TTC21B: variants seen among roughly 807,000 people sequenced by gnomAD.
TTC21B encodes tetratricopeptide repeat protein 21B.
A neutral mutation model predicts 175.1 loss-of-function variants in TTC21B; 127 were observed. That is an observed-to-expected ratio of 0.73 (90% CI 0.63 to 0.84). The LOEUF (loss-of-function observed/expected upper bound fraction) is 0.84, where lower values mean the gene tolerates loss of function less well. Among genes scored for constraint, TTC21B ranks in the 40% least tolerant of loss-of-function variants. The probability of loss-of-function intolerance (pLI) is 0.00; values close to 1 mark genes in which losing one functional copy is unlikely to be tolerated. For missense variants in TTC21B, 1,561 were observed against 1,558.3 expected, an observed-to-expected ratio of 1.00 and a Z score of -0.03; for synonymous variants, 524 against 524.5, an observed-to-expected ratio of 1.00 and a Z score of 0.01.
At chr2:165,875,492 A>G (rs902838702) in intron 28 of TTC21B, among the ~76,000 whole-genome samples, 6 of 152,174 alleles carry the variant, frequency 3.9e-5, no homozygotes, top group South Asian at 2.1e-4. Context: ...ACAATGTTTA[A>G]TAGAATGTCT....
intron 6 of TTC21B, among the ~76,000 whole-genome samples, chr2:165,935,109 T>C (rs1461073757): frequency 2.0e-5 from 3 of 152,224 alleles, no homozygotes; most frequent in Non-Finnish European, 4.4e-5. Context: ...TCTTAGGAGA[T>C]GGCAGGACTG....
Position 165,930,221 on chromosome 2 carries a change from C to A in TTC21B, c.1038G>T (p.Trp346Cys). The A allele has an allele frequency of 6.2e-7, 1 of 1,613,320 alleles. No homozygotes were observed. The highest frequency in any genetic ancestry group is 8.5e-7 in the Non-Finnish European group (1 of 1,179,500). The change falls in exon 9 of 29, where the codon TGG becomes TGT. Residue 346 changes from tryptophan (W) to cysteine (C), a missense_variant. Transcript: ENST00000243344. The part of the protein sequence containing the change: ...LQGRVKEALK[W>C]YKTAMTLDET... ...CATCAAGTGTCATGGCGGTCTTATACCACTTCAGTGCCTCTTTAACTCTTC... is the reference window on the plus strand; with the variant it reads ...CATCAAGTGTCATGGCGGTCTTATAACACTTCAGTGCCTCTTTAACTCTTC...
Position 165,929,656 on chromosome 2 carries a change from T to C in TTC21B, c.1179A>G (p.Lys393=), listed in dbSNP as rs2105343710. ...ATAAAATAAAATACTGTACCGCAGATTTTCCAATGGATTGCTGGATTTCAT... is the reference window on the plus strand; with the variant it reads ...ATAAAATAAAATACTGTACCGCAGACTTTCCAATGGATTGCTGGATTTCAT... ...FLNEIQQSIG[K]SAELIYLHAV... is the part of the protein sequence containing the mutation. The change falls in exon 10 of 29, where the codon AAA becomes AAG. Residue 393 remains lysine (K), a synonymous_variant. Coordinates refer to ENST00000243344, the MANE Select transcript of TTC21B (RefSeq NM_024753.5). 1.2e-6 allele frequency: 2 copies of C among 1,610,326 alleles called. No homozygotes were observed. The highest frequency in any genetic ancestry group is 8.5e-7 in the Non-Finnish European group (1 of 1,177,026).
chr2:165,892,738 G>C (rs1258814582), intron 22 of TTC21B, among the ~76,000 whole-genome samples: 1 of 152,148 alleles, frequency 6.6e-6, no homozygotes, highest in Non-Finnish European at 1.5e-5. Flanking sequence ...CGAGGAACTG[G>C]TGTACAGACT....
At chr2:165,877,626 T>C (rs1470008179) in intron 27 of TTC21B, among the ~76,000 whole-genome samples, 1 of 152,124 alleles carries the variant, frequency 6.6e-6, no homozygotes, top group Non-Finnish European at 1.5e-5. Flanking sequence ...AATGATGAAA[T>C]TGTCTAATGA....
intron 19 of TTC21B, among the ~76,000 whole-genome samples, chr2:165,905,978 CA>C (rs1461865056): frequency 6.6e-6 from 1 of 152,030 alleles, no homozygotes; most frequent in Non-Finnish European, 1.5e-5. Context: ...TTGAATCATT[CA>C]AAGTATGTCT....
At chr2:165,929,114 G>C in intron 11 of TTC21B, 21 bp downstream of exon 11, 1 of 1,606,794 alleles carries the variant, frequency 6.2e-7, no homozygotes, top group East Asian at 2.2e-5. Context: ...ATCCTTGAAA[G>C]TAAGTCCCAT....
At chr2:165,890,123 T>A (rs1040423643) in intron 24 of TTC21B, among the ~76,000 whole-genome samples, 4 of 152,176 alleles carry the variant, frequency 2.6e-5, no homozygotes, top group African/African-American at 9.7e-5. Flanking sequence ...GTCTGGAAAA[T>A]AACTACCATT....
Position 165,889,204 on chromosome 2 carries a change from T to G in TTC21B, c.3264-730A>C, listed in dbSNP as rs564567410. Among the ~76,000 whole-genome samples, 4 of 152,328 alleles carry G rather than the reference T, an allele frequency of 2.6e-5. No homozygotes were observed. In the South Asian group the frequency reaches 6.2e-4, roughly 24 times the overall value. On this transcript the variant is annotated intron_variant, in intron 24 of 28. Transcript: ENST00000243344. ...CCAATCACTAAAGCCACTGGTCTTC[T>G]TCTCAGGCCTTAGGCTTATCTTGCC...
intron 20 of TTC21B, 140 bp from the exon 21 acceptor site, chr2:165,900,020 A>AC (rs1173717125): frequency 9.0e-6 from 6 of 669,004 alleles, no homozygotes; most frequent in African/African-American, 5.5e-5. Context: ...AAAAAAAAAA[A>AC]AAAACAACAG....
At chr2:165,926,026 GT>G (rs1248898368) in intron 11 of TTC21B, among the ~76,000 whole-genome samples, 1 of 152,086 alleles carries the variant, frequency 6.6e-6, no homozygotes, top group Non-Finnish European at 1.5e-5. Flanking sequence ...TTAAGATATC[GT>G]TTGTTCAATT....
At position 165,919,439 on chromosome 2, in the gene TTC21B, A is replaced by G; in HGVS notation, c.1517-6T>C. 1.2e-6 allele frequency: 2 copies of G among 1,613,606 alleles called. No individual in the cohort carries two copies. The highest frequency in any genetic ancestry group is 1.7e-6 in the Non-Finnish European group (2 of 1,179,552). ...GAAAGCTGCTTCAATATCACCTAAT[A>G]AGAAAAACAATGCATTGTTATAATT... On this transcript the variant is annotated splice_region_variant and splice_polypyrimidine_tract_variant and intron_variant, in intron 12 of 28. Transcript: ENST00000243344.
At chr2:165,928,858 G>A in intron 11 of TTC21B, 1 of 395,654 alleles carries the variant, frequency 2.5e-6, no homozygotes, top group East Asian at 5.8e-5. Context: ...GCAAATATAA[G>A]GTAGGTGTCT....
intron 1 of TTC21B, among the ~76,000 whole-genome samples, chr2:165,950,131 A>C (rs1687717545): frequency 6.6e-6 from 1 of 152,056 alleles, no homozygotes; most frequent in Admixed American, 6.6e-5. Flanking sequence ...CTTTAAAAAA[A>C]AAAATCTTCT....
chr2:165,931,732 C>G, intron 8 of TTC21B, 26 bp downstream of exon 8: 1 of 1,575,742 alleles, frequency 6.3e-7, no homozygotes, highest in Non-Finnish European at 8.7e-7. Flanking sequence ...GATAACAGAG[C>G]TCTGGTACAT....
At chr2:165,914,698 T>TGTACGTGCGCGCGCGCGCGTGTGTGTGTG (rs71031214) in intron 15 of TTC21B, among the ~76,000 whole-genome samples, 3 of 132,376 alleles carry the variant, frequency 2.3e-5, no homozygotes, top group South Asian at 2.3e-4. Context: ...TGTGTGTGTG[T>TGTACGTGCGCGCGCGCGCGTGTGTGTGTG]TGTGTATCCC....
At chr2:165,944,881 T>A (rs1044896532) in intron 4 of TTC21B, among the ~76,000 whole-genome samples, 2 of 152,190 alleles carry the variant, frequency 1.3e-5, no homozygotes, top group Non-Finnish European at 2.9e-5. Context: ...TGAAATTGTA[T>A]CCATCTTTCA....
At position 165,940,947 on chromosome 2, in the gene TTC21B, GA is replaced by G; in HGVS notation, c.710+79del. The G allele has an allele frequency of 5.2e-6, 8 of 1,529,354 alleles. No individual in the cohort carries two copies. In the South Asian group the frequency reaches 8.0e-5, roughly 15 times the overall value. The allele number at this position is 1,529,354 out of a possible 1,614,324, so 94.7% of individuals were successfully genotyped here. On this transcript the variant is annotated intron_variant, in intron 6 of 28. Transcript: ENST00000243344. ...AAAAATCAAATTTAAAAACCCTTAT[GA>G]AAAAAATTCACAGATGTCGCTTTTT...
rs764798399 is a variant in TTC21B, at chr2:165,920,468, G to C, written c.1517-1035C>G. Reference sequence around the variant, plus strand: ...TCAACCGTCAAGCATAATTAACAAGGTTAGATTCTTAACTTATTGTGATAC... The same window carrying C: ...TCAACCGTCAAGCATAATTAACAAGCTTAGATTCTTAACTTATTGTGATAC... On this transcript the variant is annotated intron_variant, in intron 12 of 28. Transcript: ENST00000243344. Among the ~76,000 whole-genome samples, 10 of 152,248 alleles carry C rather than the reference G, an allele frequency of 6.6e-5. 1 individual carries two copies. The Middle Eastern group carries it at 0.024, about 362-fold the overall frequency.
Sources: allele counts gnomAD v4.1 joint callset (sites outside exome capture counted in the v4.1 genomes callset), GRCh38; gene constraint gnomAD v4.1.1; transcripts MANE v1.5; gene names NCBI Gene and HGNC (gene_info 2026-07-23, HGNC 2026-07-21).